The following ELOVL3 variants were observed in gnomAD, a reference collection of about 807,000 sequenced individuals.
ELOVL3 encodes the protein ELOVL fatty acid elongase 3, also known as very long chain fatty acid elongase 3.
ELOVL3 carries 11 observed loss-of-function variants against 14.9 expected under a neutral mutation model. That is an observed-to-expected ratio of 0.74 (90% CI 0.46 to 1.22). ELOVL3 has a LOEUF of 1.22. Among genes scored for constraint, ELOVL3 ranks in the 50% most tolerant of loss-of-function variants. The pLI, the probability that ELOVL3 is intolerant of heterozygous loss-of-function variation, is 0.00. For synonymous variants in ELOVL3, 117 were observed against 124.7 expected, an observed-to-expected ratio of 0.94 and a Z score of 0.41; for missense variants, 277 against 338.9, an observed-to-expected ratio of 0.82 and a Z score of 1.43.
rs199588694 is a variant in ELOVL3 at position 102,226,614 on chromosome 10, G to C, written c.66G>C (p.Leu22=). The part of the protein sequence containing the change: ...NQLFQPYNFE[L]SKDMRPFFEE... ...TGTTCCAGCCCTATAACTTCGAGCT[G>C]TCCAAGGACATGAGGCCCTTTTTCG... The change falls in exon 1 of 4, where the codon CTG becomes CTC. Residue 22 remains leucine, a synonymous_variant. Transcript: ENST00000370005. 6.2e-7 allele frequency: 1 copy of C among 1,613,892 alleles called. No individual in the cohort carries two copies. Among genetic ancestry groups the C allele is most frequent in the Non-Finnish European group, 8.5e-7 (1 of 1,179,958 alleles).
At chr10:102,228,804 C>T (rs1391035517) in intron 3 of ELOVL3, 21 bp from the exon 4 acceptor site, 1 of 1,592,840 alleles carries the variant, frequency 6.3e-7, no homozygotes, top group African/African-American at 1.3e-5. Context: ...GGTATGCCAA[C>T]TATGACTCTC....
intron 1 of ELOVL3, among the ~76,000 whole-genome samples, chr10:102,227,346 AC>A (rs926792485): frequency 3.3e-5 from 5 of 152,042 alleles, no homozygotes; most frequent in African/African-American, 9.7e-5. Context: ...CCCACCTCTA[AC>A]CCCACTGAGA....
Position 102,226,485 on chromosome 10 carries a change from C to A in ELOVL3, c.-64C>A. 1 of 1,204,192 alleles carries A rather than the reference C, an allele frequency of 8.3e-7. No individual in the cohort carries two copies. The highest frequency in any genetic ancestry group is 1.2e-6 in the Non-Finnish European group (1 of 813,156). The allele number at this position is 1,204,192 out of a possible 1,614,324, so 74.6% of individuals were successfully genotyped here. ...CGTCTCGCCCCGAGGTTCACGCCAT[C>A]CTCGGAGCCCCAGCCTTTCACCCAG... On this transcript the variant is annotated 5_prime_UTR_variant, in exon 1 of 4. Transcript: ENST00000370005.
upstream of ELOVL3, among the ~76,000 whole-genome samples, chr10:102,224,942 C>G (rs1480122850): frequency 6.6e-6 from 1 of 152,064 alleles, no homozygotes; most frequent in Non-Finnish European, 1.5e-5. Context: ...GGATTACAGG[C>G]GTGAACCACC....
rs2070156671 is a variant in ELOVL3 at position 102,228,331 on chromosome 10, C to T, written c.234-86C>T. ...GGTGGGGAGGTGGTAGAGCTTGGAA[C>T]ACAGTAACCTGGCCAAGCCGGGGGA... On this transcript the variant is annotated intron_variant, in intron 2 of 3. Transcript: ENST00000370005. 8.8e-6 allele frequency: 13 copies of T among 1,474,492 alleles called. No individual in the cohort carries two copies. The South Asian group carries it at 1.6e-4, about 19-fold the overall frequency. The allele number at this position is 1,474,492 out of a possible 1,614,324, so 91.3% of individuals were successfully genotyped here. A position where few individuals can be genotyped will look rare whatever the true frequency, so the allele number is the denominator to read the frequency against.
chr10:102,227,211 T>A (rs1270264105), intron 1 of ELOVL3, among the ~76,000 whole-genome samples: 4 of 152,048 alleles, frequency 2.6e-5, no homozygotes, highest in Admixed American at 2.6e-4. Context: ...GAGAAGCTAT[T>A]GCCACATTCT....
At position 102,228,436 on chromosome 10, in the gene ELOVL3, A is replaced by T. The variant is rs746793351; in HGVS notation, c.253A>T (p.Met85Leu). The T allele has an allele frequency of 2.5e-6, 4 of 1,613,964 alleles. No individual in the cohort carries two copies. The highest frequency in any genetic ancestry group is 2.7e-5 in the African/African-American group (2 of 74,866). ...AIFSILGAVR[M>L]WGIMGTVLLT... ...TTTCAGTATCCTGGGGGCAGTGAGG[A>T]TGTGGGGCATTATGGGGACTGTGCT... Residue 85 changes from methionine to leucine, a missense_variant, in exon 3 of 4, where the codon ATG becomes TTG. Coordinates refer to ENST00000370005, the MANE Select transcript of ELOVL3 (RefSeq NM_152310.3).
rs755743002 is a variant in ELOVL3 at position 102,227,770 on chromosome 10, C to T, written c.233+13C>T. 6.2e-7 allele frequency: 1 copy of T among 1,613,084 alleles called. No homozygotes were observed. The highest frequency in any genetic ancestry group is 8.5e-7 in the Non-Finnish European group (1 of 1,179,448). ...TTGCAATCTTCAGGTAAGACCCCAT[C>T]CCACTCCCTGCCTCTTCTCTAGATC... On this transcript the variant is annotated intron_variant, in intron 2 of 3. Transcript: ENST00000370005.
At chr10:102,227,489 TG>T (rs2070147403) in intron 1 of ELOVL3, 136 bp from the exon 2 acceptor site, 3 of 945,090 alleles carry the variant, frequency 3.2e-6, no homozygotes, top group African/African-American at 1.6e-5. Context: ...AGAATTAAGT[TG>T]GTTTTTCCAA....
chr10:102,227,642 ATAGCCC>A lies in ELOVL3; in HGVS notation c.120_125del (p.Ile40_Leu42delinsMet). 1.2e-6 allele frequency: 2 copies of A among 1,613,294 alleles called. No homozygotes were observed. The highest frequency in any genetic ancestry group is 1.7e-6 in the Non-Finnish European group (2 of 1,179,718). On this transcript the variant is annotated inframe_deletion, in exon 2 of 4. Transcript: ENST00000370005. ...GCTTGCCAGGGCAACCTCATTCCCC[ATAGCCC>A]TGATCTACCTGGTTCTCATCGCTGT...
In ELOVL3 at chr10:102,229,169, A is replaced by G. The variant is rs2070172920; in HGVS notation, c.730A>G (p.Met244Val). ...CTTATTCTGGTCCTTCATCTTGTAT[A>G]TGACCTATTTCATCCTCTTTGCCCA... The part of the protein sequence containing the change: ...EHLFWSFILY[M>V]TYFILFAHFF... The change falls in exon 4 of 4, where the codon ATG becomes GTG. Residue 244 changes from methionine to valine, a missense_variant. Coordinates refer to ENST00000370005, the MANE Select transcript of ELOVL3 (RefSeq NM_152310.3). The G allele has an allele frequency of 3.7e-6, 6 of 1,614,074 alleles. No individual in the cohort carries two copies. Among genetic ancestry groups the G allele is most frequent in the South Asian group, 1.1e-5 (1 of 91,082 alleles).
In ELOVL3 at chr10:102,226,351, T is replaced by C. The variant is rs1291297262; in HGVS notation, c.-198T>C. ...CAGGCAGCTTTGCAAGTCCGCGTTA[T>C]ATATCGCAGTGGCTGCGCCCGGGAT... On this transcript the variant is annotated 5_prime_UTR_variant, in exon 1 of 4. Coordinates refer to ENST00000370005, the MANE Select transcript of ELOVL3 (RefSeq NM_152310.3). 5.4e-6 allele frequency: 3 copies of C among 557,200 alleles called. No homozygotes were observed. Among genetic ancestry groups the C allele is most frequent in the Non-Finnish European group, 6.4e-6 (2 of 313,024 alleles). The allele number at this position is 557,200 out of a possible 1,614,324, so 34.5% of individuals were successfully genotyped here.
Position 102,229,055 on chromosome 10 carries a change from C to T in ELOVL3, c.616C>T (p.Gln206Ter), listed in dbSNP as rs753691698. Residue 206 changes from glutamine to a stop codon, truncating the protein, a stop_gained, in exon 4 of 4, where the codon CAG (glutamine) becomes TAG (stop). Transcript: ENST00000370005. LOFTEE classifies it low-confidence loss of function (END_TRUNC). ...KMLPMLITSL[Q>*]ILQMFVGAIV... Reference sequence around the variant, plus strand: ...GCTGCCCATGCTCATCACCAGCCTGCAGATCTTGCAGATGTTTGTAGGAGC... The same window carrying T: ...GCTGCCCATGCTCATCACCAGCCTGTAGATCTTGCAGATGTTTGTAGGAGC... 1 of 1,614,186 alleles carries T rather than the reference C, an allele frequency of 6.2e-7. No homozygotes were observed. The highest frequency in any genetic ancestry group is 8.5e-7 in the Non-Finnish European group (1 of 1,180,028).
intron 3 of ELOVL3, 62 bp downstream of exon 3, chr10:102,228,630 C>T (rs954586593): frequency 6.3e-7 from 1 of 1,584,034 alleles, no homozygotes; most frequent in Non-Finnish European, 8.6e-7. Flanking sequence ...CAGGGCCCTC[C>T]CTTCACCCAT....
At chr10:102,227,499 AAT>A (rs1040843208) in intron 1 of ELOVL3, 125 bp from the exon 2 acceptor site, 22 of 1,102,708 alleles carry the variant, frequency 2.0e-5, no homozygotes, top group Middle Eastern at 3.1e-4. Flanking sequence ...TGGTTTTTCC[AAT>A]GTCACATAGC....
At chr10:102,228,391 C>A (rs1554933699) in intron 2 of ELOVL3, 26 bp from the exon 3 acceptor site, 2 of 1,610,030 alleles carry the variant, frequency 1.2e-6, no homozygotes, top group Non-Finnish European at 8.5e-7. Context: ...ATGACACTTA[C>A]ACCATCTTCC....
In ELOVL3 at chr10:102,229,101, A is replaced by G; in HGVS notation, c.662A>G (p.Tyr221Cys). ...FVGAIVSILT[Y>C]IWRQDQGCHT... ...GGAGCCATCGTCAGCATCCTCACGT[A>G]CATCTGGAGGCAGGATCAGGGATGC... Residue 221 changes from tyrosine to cysteine, a missense_variant, in exon 4 of 4, where the codon TAC becomes TGC. Coordinates refer to ENST00000370005, the MANE Select transcript of ELOVL3 (RefSeq NM_152310.3). 6.2e-7 allele frequency: 1 copy of G among 1,614,186 alleles called. No individual in the cohort carries two copies. The highest frequency in any genetic ancestry group is 8.5e-7 in the Non-Finnish European group (1 of 1,180,034).
upstream of ELOVL3, among the ~76,000 whole-genome samples, chr10:102,226,101 G>A (rs2070132642): frequency 6.6e-6 from 1 of 152,228 alleles, no homozygotes; most frequent in Admixed American, 6.5e-5. Context: ...GAACCCGCAA[G>A]GCCGCACAGG....
Position 102,229,176 on chromosome 10 carries a change from A to AT in ELOVL3, c.740dup (p.Ile248HisfsTer31). On this transcript the variant is annotated frameshift_variant, in exon 4 of 4. Transcript: ENST00000370005. LOFTEE classifies it high-confidence loss of function. ...TGGTCCTTCATCTTGTATATGACCT[A>AT]TTTCATCCTCTTTGCCCACTTCTTC... is the stretch of plus-strand genomic sequence containing the variant. The AT allele has an allele frequency of 6.2e-7, 1 of 1,613,990 alleles. No individual in the cohort carries two copies. The highest frequency in any genetic ancestry group is 8.5e-7 in the Non-Finnish European group (1 of 1,180,030).
Sources: gnomAD v4.1 joint callset for allele counts (sites outside exome capture counted in the v4.1 genomes callset) on GRCh38, gnomAD v4.1.1 for gene constraint, MANE v1.5 for transcripts, NCBI Gene and HGNC (gene_info 2026-07-23, HGNC 2026-07-21) for gene names.